DYM: variants seen among roughly 807,000 people sequenced by gnomAD.
DYM encodes the protein dyggve-Melchior-Clausen syndrome protein.
Under a neutral mutation model 93.1 loss-of-function variants are expected in DYM, and 78 were observed. The observed-to-expected ratio is 0.84, with a 90% CI of 0.70 to 1.01. The LOEUF (loss-of-function observed/expected upper bound fraction) is 1.01. DYM is among the 50% of genes least tolerant of loss of function. DYM has a pLI of 0.00. For synonymous variants in DYM, 321 were observed against 319.7 expected (o/e 1.00, Z -0.04); for missense variants, 789 against 845.0 (o/e 0.93, Z 0.82).
At chr18:49,331,524 G>T (rs1420665855) in intron 8 of DYM, among the ~76,000 whole-genome samples, 1 of 152,152 alleles carries the variant, frequency 6.6e-6, no homozygotes, top group Non-Finnish European at 1.5e-5. Flanking sequence ...ACCTAAAATA[G>T]ATTTCCTCTT....
At chr18:49,236,884 G>A (rs1598826069) in intron 13 of DYM, among the ~76,000 whole-genome samples, 1 of 152,244 alleles carries the variant, frequency 6.6e-6, no homozygotes, top group East Asian at 1.9e-4. Flanking sequence ...GGAATCAGTG[G>A]TCCCTCATCT....
chr18:49,261,578 G>A (rs765470999), intron 11 of DYM, among the ~76,000 whole-genome samples: 4 of 152,032 alleles, frequency 2.6e-5, no homozygotes, highest in East Asian at 1.9e-4. Context: ...CAGGAGAATC[G>A]CTTGAACTAG....
At chr18:49,306,115 A>G (rs1328394136) in intron 8 of DYM, among the ~76,000 whole-genome samples, 1 of 152,210 alleles carries the variant, frequency 6.6e-6, no homozygotes, top group Non-Finnish European at 1.5e-5. Flanking sequence ...ATTACCCAAA[A>G]TGCAGATGGA....
intron 17 of DYM, among the ~76,000 whole-genome samples, chr18:49,060,838 A>G (rs938148350): frequency 6.6e-6 from 1 of 152,024 alleles, no homozygotes; most frequent in African/African-American, 2.4e-5. Flanking sequence ...GATGCTGGCA[A>G]GATAGTTCAC....
intron 8 of DYM, among the ~76,000 whole-genome samples, chr18:49,310,305 T>C (rs142471688): frequency 6.6e-6 from 1 of 152,336 alleles, no homozygotes; most frequent in African/African-American, 2.4e-5. Context: ...AAGCTACTGC[T>C]AAAATTTATT....
chr18:49,050,754 T>G (rs568538109), intron 17 of DYM, among the ~76,000 whole-genome samples: 1 of 152,250 alleles, frequency 6.6e-6, no homozygotes, highest in East Asian at 1.9e-4. Context: ...CTCGGCTCAC[T>G]GGCTTATTGC....
In DYM at chr18:49,430,269, A is replaced by T; in HGVS notation, c.126T>A (p.Pro42=). The stretch of plus-strand genomic sequence containing the variant: ...CAATCTCTTACCTGCTAGTTGGTGC[A>T]GGGAAAGAAAATGAGAGAAGCTGAT... ...FWNQLLSFSF[P]APTSSSELKL... is the part of the protein sequence containing the mutation. Residue 42 remains proline (P), a synonymous_variant, in exon 2 of 18, where the codon CCT becomes CCA. Coordinates refer to ENST00000675505, the MANE Select transcript of DYM (RefSeq NM_001353214.3). The T allele has an allele frequency of 6.2e-7, 1 of 1,614,006 alleles. No homozygotes were observed. The highest frequency in any genetic ancestry group is 8.5e-7 in the Non-Finnish European group (1 of 1,179,984).
intron 1 of DYM, among the ~76,000 whole-genome samples, chr18:49,453,462 T>C (rs1019182370): frequency 3.9e-5 from 6 of 152,174 alleles, no homozygotes; most frequent in South Asian, 2.1e-4. Flanking sequence ...GGTCTGCAGC[T>C]TCACTCCTGA....
intron 8 of DYM, among the ~76,000 whole-genome samples, chr18:49,311,401 A>C (rs1043239718): frequency 6.6e-6 from 1 of 152,232 alleles, no homozygotes; most frequent in Non-Finnish European, 1.5e-5. Flanking sequence ...CTGTAACAAA[A>C]GGTAGGTCTG....
At chr18:49,182,020 A>G (rs2089973485) in intron 14 of DYM, among the ~76,000 whole-genome samples, 2 of 152,042 alleles carry the variant, frequency 1.3e-5, no homozygotes, top group Non-Finnish European at 2.9e-5. Context: ...ATTTTCACTT[A>G]GTTTAAAAAT....
At chr18:49,359,454 A>C (rs2147293636) in intron 6 of DYM, among the ~76,000 whole-genome samples, 1 of 152,340 alleles carries the variant, frequency 6.6e-6, no homozygotes, top group Admixed American at 6.5e-5. Context: ...AGTAGCCACT[A>C]ACTACTTAAA....
chr18:49,423,889 A>G (rs2073993507), intron 2 of DYM, among the ~76,000 whole-genome samples: 1 of 152,264 alleles, frequency 6.6e-6, no homozygotes, highest in Non-Finnish European at 1.5e-5. Flanking sequence ...AGGCTCTGAA[A>G]TTGAGGCAAT....
intron 14 of DYM, among the ~76,000 whole-genome samples, chr18:49,175,578 A>C (rs1347245881): frequency 6.6e-6 from 1 of 152,194 alleles, no homozygotes; most frequent in Non-Finnish European, 1.5e-5. Flanking sequence ...AAGAGCTAAA[A>C]TGATGTTGAT....
intron 2 of DYM, among the ~76,000 whole-genome samples, chr18:49,391,924 A>G (rs1442733769): frequency 6.6e-6 from 1 of 152,218 alleles, no homozygotes; most frequent in Non-Finnish European, 1.5e-5. Flanking sequence ...GAAAAATTCA[A>G]GAAAGGCACT....
At chr18:49,437,936 C>G (rs893793263) in intron 1 of DYM, among the ~76,000 whole-genome samples, 1 of 152,160 alleles carries the variant, frequency 6.6e-6, no homozygotes, top group Non-Finnish European at 1.5e-5. Flanking sequence ...ACCTGTACAC[C>G]TGTAATCCCA....
chr18:49,320,175 AAAGATT>A (rs1480379509), intron 8 of DYM, among the ~76,000 whole-genome samples: 1 of 152,234 alleles, frequency 6.6e-6, no homozygotes, highest in Non-Finnish European at 1.5e-5. Context: ...TGGAAGGACT[AAAGATT>A]AAGATATACA....
intron 17 of DYM, among the ~76,000 whole-genome samples, chr18:49,051,781 G>C (rs1435344657): frequency 6.6e-6 from 1 of 152,192 alleles, no homozygotes; most frequent in Non-Finnish European, 1.5e-5. Flanking sequence ...CGTCCGTGCT[G>C]GCTAGTGAAG....
chr18:49,214,267 T>A (rs1281546231), intron 13 of DYM, among the ~76,000 whole-genome samples: 1 of 152,220 alleles, frequency 6.6e-6, no homozygotes, highest in Admixed American at 6.5e-5. Context: ...CTGCTTGCAT[T>A]ACCACCTGAG....
chr18:49,221,760 G>A (rs2093367204), intron 13 of DYM, among the ~76,000 whole-genome samples: 2 of 152,058 alleles, frequency 1.3e-5, no homozygotes, highest in Admixed American at 6.6e-5. Flanking sequence ...CTGTTGTGGG[G>A]TGGGGGAAGG....
Sources: allele counts gnomAD v4.1 joint callset (sites outside exome capture counted in the v4.1 genomes callset), GRCh38; gene constraint gnomAD v4.1.1; transcripts MANE v1.5; gene names NCBI Gene and HGNC (gene_info 2026-07-23, HGNC 2026-07-21).